B4GALT6: variants seen among roughly 807,000 people sequenced by gnomAD.
The protein encoded by B4GALT6 is beta-1,4-galactosyltransferase 6.
A neutral mutation model predicts 46.3 loss-of-function variants in B4GALT6; 14 were observed. The ratio of observed to expected loss-of-function variants is 0.30; its 90% CI spans 0.20 to 0.47. The LOEUF (loss-of-function observed/expected upper bound fraction) is 0.47, where lower values mean the gene tolerates loss of function less well. Among genes scored for constraint, B4GALT6 ranks in the 20% least tolerant of loss-of-function variants. The pLI is 0.99. For missense variants in B4GALT6, 386 were observed against 480.1 expected (o/e 0.80, Z 1.83); for synonymous variants, 168 against 162.0 (o/e 1.04, Z -0.28).
At chr18:31,627,918 C>G (rs1227321849) in intron 6 of B4GALT6, among the ~76,000 whole-genome samples, 1 of 152,206 alleles carries the variant, frequency 6.6e-6, no homozygotes, top group Non-Finnish European at 1.5e-5. Flanking sequence ...CCCTGGGGAG[C>G]AGATGCCAGA....
the B4GALT6 span, among the ~76,000 whole-genome samples, chr18:31,691,000 G>A: frequency 6.6e-6 from 1 of 151,950 alleles, no homozygotes; most frequent in Non-Finnish European, 1.5e-5. Context: ...GGGGTGGGGG[G>A]CAAGGGGAGG....
chr18:31,678,066 C>T (rs1262763162), intron 1 of B4GALT6, among the ~76,000 whole-genome samples: 1 of 152,108 alleles, frequency 6.6e-6, no homozygotes, highest in Non-Finnish European at 1.5e-5. Context: ...GGGTGGCGGA[C>T]AGGTAGAGGA....
At chr18:31,633,659 G>C (rs1347737860) in intron 5 of B4GALT6, among the ~76,000 whole-genome samples, 1 of 152,090 alleles carries the variant, frequency 6.6e-6, no homozygotes, top group Admixed American at 6.5e-5. Flanking sequence ...CGGCTGCTCT[G>C]GCAACATCGA....
intron 5 of B4GALT6, among the ~76,000 whole-genome samples, chr18:31,636,166 C>T (rs1440407625): frequency 1.3e-5 from 2 of 152,124 alleles, no homozygotes; most frequent in East Asian, 3.8e-4. Flanking sequence ...CAATGATTAG[C>T]CTAAGTGTAA....
chr18:31,707,156 A>T, the B4GALT6 span, among the ~76,000 whole-genome samples: 2 of 152,070 alleles, frequency 1.3e-5, no homozygotes, highest in Non-Finnish European at 2.9e-5. Context: ...CAAACTTTTT[A>T]CTCAGGGACT....
At chr18:31,630,905 G>A (rs550492236) in intron 6 of B4GALT6, 54 bp downstream of exon 6, 8 of 1,575,656 alleles carry the variant, frequency 5.1e-6, no homozygotes, top group African/African-American at 1.4e-5. Context: ...CCATTTCAAT[G>A]CTATGACTGT....
At chr18:31,701,283 C>T in the B4GALT6 span, among the ~76,000 whole-genome samples, 11 of 152,252 alleles carry the variant, frequency 7.2e-5, no homozygotes, top group African/African-American at 2.6e-4. Flanking sequence ...GTAGCACCTC[C>T]CTTCCTCTCT....
At chr18:31,688,935 T>C (rs139802852), upstream of B4GALT6, among the ~76,000 whole-genome samples, 1 of 152,320 alleles carries the variant, frequency 6.6e-6, no homozygotes, top group African/African-American at 2.4e-5. Flanking sequence ...TTTTTTTCAT[T>C]TTTTAGAAAT....
chr18:31,688,258 T>TACATATATATATATACAC (rs1555643343), upstream of B4GALT6, among the ~76,000 whole-genome samples: 1 of 148,598 alleles, frequency 6.7e-6, no homozygotes, highest in African/African-American at 2.5e-5. Context: ...TATATATATA[T>TACATATATATATATACAC]ACATATATAT....
intron 3 of B4GALT6, among the ~76,000 whole-genome samples, chr18:31,652,240 C>A (rs1441439651): frequency 2.0e-5 from 3 of 152,208 alleles, no homozygotes; most frequent in African/African-American, 7.2e-5. Context: ...TTCTGACGCA[C>A]TTCTCAAGAG....
chr18:31,663,234 CAG>C (rs955556650), intron 2 of B4GALT6, among the ~76,000 whole-genome samples: 5 of 152,206 alleles, frequency 3.3e-5, no homozygotes, highest in African/African-American at 9.7e-5. Flanking sequence ...CAGCTTAAAA[CAG>C]GTGTTAGAAA....
At chr18:31,687,965 A>AT (rs1490417112), upstream of B4GALT6, among the ~76,000 whole-genome samples, 1 of 152,006 alleles carries the variant, frequency 6.6e-6, no homozygotes, top group Non-Finnish European at 1.5e-5. Context: ...AAAATATCTA[A>AT]TTTTTTTCAG....
intron 4 of B4GALT6, among the ~76,000 whole-genome samples, chr18:31,641,834 C>A (rs1159539595): frequency 1.3e-5 from 2 of 152,194 alleles, no homozygotes; most frequent in Non-Finnish European, 2.9e-5. Context: ...CTCCTATATA[C>A]ACCATGAGGA....
In B4GALT6 at chr18:31,624,239, A is replaced by C. The variant is rs948079385; in HGVS notation, c.*1375T>G. ...CATTATGGCATCAGTGCACCAAATA[A>C]CTCATCACGTATTTTAAGACAATGC... On this transcript the variant is annotated 3_prime_UTR_variant, in exon 9 of 9. Transcript: ENST00000306851. The C allele has an allele frequency of 6.6e-6, 1 of 151,870 alleles. No individual in the cohort carries two copies. Among genetic ancestry groups the C allele is most frequent in the Non-Finnish European group, 1.5e-5 (1 of 67,846 alleles). The allele number at this position is 151,870 out of a possible 1,614,324, so 9.4% of individuals were successfully genotyped here.
rs770786176 is a variant in B4GALT6, at chr18:31,631,001, A to G, written c.734T>C (p.Met245Thr). The G allele has an allele frequency of 1.2e-6, 2 of 1,614,170 alleles. No individual in the cohort carries two copies. The highest frequency in any genetic ancestry group is 1.7e-6 in the Non-Finnish European group (2 of 1,180,030). ...CAGCTTTGCAGCAAAATGACGTGGC[A>G]TTTCTCCACATCCGTAATAGTTCCG... ...NDRNYYGCGEMPRHFAAKLDK... is the reference protein window; with the variant it reads ...NDRNYYGCGETPRHFAAKLDK... The change falls in exon 6 of 9, where the codon ATG becomes ACG. Residue 245 changes from methionine to threonine, a missense_variant. Coordinates refer to ENST00000306851, the MANE Select transcript of B4GALT6 (RefSeq NM_004775.5).
intron 5 of B4GALT6, among the ~76,000 whole-genome samples, chr18:31,634,595 A>G (rs190488592): frequency 6.6e-6 from 1 of 152,326 alleles, no homozygotes; most frequent in Non-Finnish European, 1.5e-5. Flanking sequence ...TTGAGGTTTA[A>G]TAACTTTTCA....
intron 1 of B4GALT6, among the ~76,000 whole-genome samples, chr18:31,681,138 TGC>T (rs1241750783): frequency 5.9e-5 from 9 of 152,230 alleles, no homozygotes; most frequent in Non-Finnish European, 1.2e-4. Context: ...CTCTCTTGGG[TGC>T]ACAACTCCTA....
intron 4 of B4GALT6, among the ~76,000 whole-genome samples, chr18:31,639,415 A>T (rs1177567067): frequency 6.6e-6 from 1 of 152,234 alleles, no homozygotes; most frequent in African/African-American, 2.4e-5. Flanking sequence ...ATTTTCAGAA[A>T]TATAATAGAA....
intron 4 of B4GALT6, among the ~76,000 whole-genome samples, chr18:31,643,825 C>T (rs1263020712): frequency 2.0e-5 from 3 of 152,168 alleles, no homozygotes; most frequent in African/African-American, 4.8e-5. Flanking sequence ...TACTAGTATG[C>T]TACCCAGAGC....
Sources: allele counts gnomAD v4.1 joint callset (sites outside exome capture counted in the v4.1 genomes callset), GRCh38; gene constraint gnomAD v4.1.1; transcripts MANE v1.5; gene names NCBI Gene and HGNC (gene_info 2026-07-23, HGNC 2026-07-21).